The following MYO1E variants were observed in gnomAD, a reference collection of about 807,000 sequenced individuals.
MYO1E encodes unconventional myosin-Ie.
A neutral mutation model predicts 151.1 loss-of-function variants in MYO1E; 68 were observed. The observed-to-expected ratio is 0.45, with a 90% CI of 0.37 to 0.55. MYO1E has a LOEUF of 0.55. MYO1E is among the 20% of genes least tolerant of loss of function. MYO1E has a pLI of 0.00. For synonymous variants in MYO1E, 601 were observed against 501.7 expected (o/e 1.20, Z -2.64); for missense variants, 1,363 against 1,389.3 (o/e 0.98, Z 0.30).
intron 1 of MYO1E, among the ~76,000 whole-genome samples, chr15:59,356,058 A>G (rs914237115): frequency 3.3e-5 from 5 of 152,192 alleles, no homozygotes; most frequent in Non-Finnish European, 7.3e-5. Context: ...TGTGAAAATC[A>G]CTGGCAACAT....
At chr15:59,220,925 T>TAAAAAAAAAAAAAAAAAA (rs59578227) in intron 9 of MYO1E, among the ~76,000 whole-genome samples, 1 of 77,930 alleles carries the variant, frequency 1.3e-5, no homozygotes, top group Non-Finnish European at 2.4e-5. Context: ...CCCCATCTCT[T>TAAAAAAAAAAAAAAAAAA]AAAAAAAAAA....
chr15:59,352,776 C>G (rs1189502919), intron 1 of MYO1E, among the ~76,000 whole-genome samples: 3 of 152,084 alleles, frequency 2.0e-5, no homozygotes, highest in Non-Finnish European at 4.4e-5. Flanking sequence ...GGAAGCATAC[C>G]CAGCCCCCCT....
In MYO1E at chr15:59,159,156, G is replaced by A. The variant is rs1244205277; in HGVS notation, c.2786-777C>T. ...GGTAGGAGGTGACAAGGTGCACAGT[G>A]CAAACACAGCAAAGGAGCTGCAGCT... is the stretch of plus-strand genomic sequence containing the variant. On this transcript the variant is annotated intron_variant, in intron 24 of 27. Coordinates refer to ENST00000288235, the MANE Select transcript of MYO1E (RefSeq NM_004998.4). This position sits in a 1 kb window ranked among gnomAD's most constrained non-coding sequence, Gnocchi z 4.4. Among the ~76,000 whole-genome samples, 1 of 152,214 alleles carries A rather than the reference G, an allele frequency of 6.6e-6. No homozygotes were observed. Among genetic ancestry groups the A allele is most frequent in the Admixed American group, 6.5e-5 (1 of 15,288 alleles).
At chr15:59,284,173 G>T (rs1000195977) in intron 1 of MYO1E, among the ~76,000 whole-genome samples, 12 of 152,232 alleles carry the variant, frequency 7.9e-5, no homozygotes, top group African/African-American at 2.7e-4. Flanking sequence ...TACTAGCTGG[G>T]TGAATAAATT....
chr15:59,342,536 C>G lies in MYO1E; in HGVS notation c.3+29962G>C, dbSNP rs149643229. Among the ~76,000 whole-genome samples, 850 of 152,310 alleles carry G rather than the reference C, an allele frequency of 5.6e-3. 7 individuals are homozygous for G. The highest frequency in any genetic ancestry group is 0.02 in the African/African-American group (825 of 41,564). On this transcript the variant is annotated intron_variant, in intron 1 of 27. Transcript: ENST00000288235. Reference sequence around the variant, plus strand: ...GGTGAAGTGTGTTGCTTGTAGGCAACAGATCCTTGGGTCTTGCTTTTTATC... The same window carrying G: ...GGTGAAGTGTGTTGCTTGTAGGCAAGAGATCCTTGGGTCTTGCTTTTTATC...
At chr15:59,193,190 G>C (rs1596359283) in intron 17 of MYO1E, among the ~76,000 whole-genome samples, 1 of 152,342 alleles carries the variant, frequency 6.6e-6, no homozygotes, top group Admixed American at 6.5e-5. Flanking sequence ...CACTGCATCA[G>C]AAACTCGGGA....
intron 1 of MYO1E, among the ~76,000 whole-genome samples, chr15:59,363,234 C>T (rs1248617099): frequency 1.3e-5 from 2 of 152,208 alleles, no homozygotes; most frequent in African/African-American, 4.8e-5. Context: ...GCCTCGGCCT[C>T]CCAAGGTGCT....
intron 13 of MYO1E, among the ~76,000 whole-genome samples, chr15:59,209,235 G>A (rs918447003): frequency 1.1e-4 from 17 of 152,160 alleles, no homozygotes; most frequent in African/African-American, 2.2e-4. Flanking sequence ...GCATCATTTC[G>A]GTAGTTATTT....
At chr15:59,201,178 G>A (rs1427866556) in intron 16 of MYO1E, among the ~76,000 whole-genome samples, 1 of 150,270 alleles carries the variant, frequency 6.7e-6, no homozygotes, top group African/African-American at 2.5e-5. Flanking sequence ...GCTCACTGCA[G>A]CTTTGACTTC....
intron 1 of MYO1E, among the ~76,000 whole-genome samples, chr15:59,297,017 A>C (rs1354120316): frequency 5.1e-5 from 3 of 58,736 alleles, no homozygotes; most frequent in East Asian, 7.1e-4. Flanking sequence ...TCGCCCGGCT[A>C]ATTTTTTGTG....
Position 59,238,345 on chromosome 15 carries a change from A to C in MYO1E, c.333-1673T>G, listed in dbSNP as rs534043689. 4.6e-5 allele frequency among the ~76,000 whole-genome samples: 7 copies of C among 152,354 alleles called. 1 individual carries two copies. The highest frequency in any genetic ancestry group is 1.7e-4 in the African/African-American group (7 of 41,582). The stretch of plus-strand genomic sequence containing the variant: ...CAATGTAAACATTCAAGAATATTGG[A>C]AAGTCCAAGCTTACAATGGCACAAC... On this transcript the variant is annotated intron_variant, in intron 4 of 27. Transcript: ENST00000288235.
chr15:59,329,835 T>C (rs1567016563), intron 1 of MYO1E, among the ~76,000 whole-genome samples: 1 of 152,138 alleles, frequency 6.6e-6, no homozygotes, highest in South Asian at 2.1e-4. Flanking sequence ...ATTTCAAACA[T>C]GAAACACTGG....
chr15:59,175,246 T>C (rs1221641217), intron 19 of MYO1E, among the ~76,000 whole-genome samples: 1 of 152,186 alleles, frequency 6.6e-6, no homozygotes, highest in African/African-American at 2.4e-5. Context: ...TGTAAAATAG[T>C]AGGAAACCTT....
intron 26 of MYO1E, among the ~76,000 whole-genome samples, chr15:59,144,659 G>T (rs1377525153): frequency 6.6e-6 from 1 of 152,108 alleles, no homozygotes; most frequent in Non-Finnish European, 1.5e-5. Flanking sequence ...GAGGAACACA[G>T]GAAATCTGTG....
In MYO1E at chr15:59,146,187, T is replaced by C. The variant is rs1408225417; in HGVS notation, c.3080+7403A>G. Among the ~76,000 whole-genome samples the C allele has an allele frequency of 5.9e-5, 9 of 152,236 alleles. 1 individual carries two copies. Among genetic ancestry groups the C allele is most frequent in the Admixed American group, 3.3e-4 (5 of 15,284 alleles). On this transcript the variant is annotated intron_variant, in intron 26 of 27. Transcript: ENST00000288235. Reference sequence around the variant, plus strand: ...CCATGTGCCACCATTTGTTTTATAATTGTACAACTTAGATAATTTTGGTAG... The same window carrying C: ...CCATGTGCCACCATTTGTTTTATAACTGTACAACTTAGATAATTTTGGTAG...
chr15:59,246,389 C>T (rs867453983), intron 4 of MYO1E, among the ~76,000 whole-genome samples: 2 of 152,186 alleles, frequency 1.3e-5, no homozygotes, highest in South Asian at 2.1e-4. Context: ...CAGGCGTGAG[C>T]CACCATGCCC....
At chr15:59,272,918 A>C (rs1319250500) in intron 1 of MYO1E, among the ~76,000 whole-genome samples, 4 of 152,258 alleles carry the variant, frequency 2.6e-5, no homozygotes, top group African/African-American at 4.8e-5. Context: ...ACTACATGAC[A>C]GAATCCAGAA....
At chr15:59,179,611 C>G (rs1157118123) in intron 18 of MYO1E, among the ~76,000 whole-genome samples, 1 of 152,190 alleles carries the variant, frequency 6.6e-6, no homozygotes, top group African/African-American at 2.4e-5. Flanking sequence ...GAGTAGGAGA[C>G]AGAGGCAAAT....
chr15:59,250,238 G>A (rs907862825), intron 4 of MYO1E, among the ~76,000 whole-genome samples: 4 of 152,086 alleles, frequency 2.6e-5, no homozygotes, highest in South Asian at 2.1e-4. Flanking sequence ...GATTTATGTC[G>A]GGGGCTTTGG....
Sources: gnomAD v4.1 joint callset for allele counts (sites outside exome capture counted in the v4.1 genomes callset) on GRCh38, gnomAD v4.1.1 for gene constraint, Gnocchi (gnomAD v3.1) non-coding constraint, MANE v1.5 for transcripts, NCBI Gene and HGNC (gene_info 2026-07-23, HGNC 2026-07-21) for gene names.